The following UNG variants were observed in gnomAD, a reference collection of about 807,000 sequenced individuals.
The protein encoded by UNG is uracil-DNA glycosylase.
UNG carries 34 observed loss-of-function variants against 36.5 expected under a neutral mutation model. That is an observed-to-expected ratio of 0.93 (90% confidence interval 0.71 to 1.24). The LOEUF is 1.24. Ranked by LOEUF, UNG falls within the 50% of genes most tolerant of loss-of-function variation. UNG has a pLI of 0.00. For synonymous variants in UNG, 172 were observed against 157.8 expected, an observed-to-expected ratio of 1.09 and a Z score of -0.67; for missense variants, 391 against 397.6, an observed-to-expected ratio of 0.98 and a Z score of 0.14.
At chr12:109,103,274 G>A (rs1593322025) in intron 5 of UNG, among the ~76,000 whole-genome samples, 159 bp from the exon 6 acceptor site, 1 of 152,148 alleles carries the variant, frequency 6.6e-6, no homozygotes, top group African/African-American at 2.4e-5. Flanking sequence ...ATTGTTGATG[G>A]TAGTGGCTGC....
In UNG at chr12:109,110,580, C is replaced by T. The variant is rs886048911; in HGVS notation, c.*611C>T. On this transcript the variant is annotated 3_prime_UTR_variant, in exon 7 of 7. Coordinates refer to ENST00000242576, the MANE Select transcript of UNG (RefSeq NM_080911.3). ...CTGTGAGCTTTATCAGATAAGAGACCGAGAGAAGTAAGCTGGGTCTTGTTA... is the reference window on the plus strand; with the variant it reads ...CTGTGAGCTTTATCAGATAAGAGACTGAGAGAAGTAAGCTGGGTCTTGTTA... 5.2e-5 allele frequency: 8 copies of T among 153,930 alleles called. No homozygotes were observed. Among genetic ancestry groups the T allele is most frequent in the Admixed American group, 6.4e-5 (1 of 15,658 alleles). 9.5% of individuals were successfully genotyped at this position (153,930 alleles called of 1,614,324 possible). A position where few individuals can be genotyped will look rare whatever the true frequency, so the allele number is the denominator to read the frequency against.
At chr12:109,104,922 C>T (rs180819617) in intron 6 of UNG, among the ~76,000 whole-genome samples, 190 of 152,076 alleles carry the variant, frequency 1.2e-3, no homozygotes, top group Admixed American at 3.5e-3. Flanking sequence ...AGGTTGAGCA[C>T]TTTTGTTTTT....
intron 1 of UNG, chr12:109,098,161 G>T (rs1350152606): frequency 7.2e-7 from 1 of 1,393,618 alleles, no homozygotes. Flanking sequence ...TGGCGGGGGC[G>T]GGGCACCTCT....
chr12:109,103,504 G>T lies in UNG; in HGVS notation c.694G>T (p.Glu232Ter). The T allele has an allele frequency of 6.2e-7, 1 of 1,614,220 alleles. No homozygotes were observed. Among genetic ancestry groups the T allele is most frequent in the Non-Finnish European group, 8.5e-7 (1 of 1,180,044 alleles). The change falls in exon 6 of 7, where the codon GAG becomes TAG. Residue 232 changes from glutamate to a stop codon, truncating the protein, a stop_gained. Coordinates refer to ENST00000242576, the MANE Select transcript of UNG (RefSeq NM_080911.3). LOFTEE classifies it high-confidence loss of function. ...CAACTCTCATAAGGAGCGAGGCTGG[G>T]AGCAGTTCACTGATGCAGTTGTGTC... ...QANSHKERGW[E>*]QFTDAVVSWL...
At chr12:109,102,176 A>G (rs1566121373) in intron 4 of UNG, among the ~76,000 whole-genome samples, 177 bp downstream of exon 4, 1 of 152,192 alleles carries the variant, frequency 6.6e-6, no homozygotes, top group Non-Finnish European at 1.5e-5. Context: ...GGAGGAGAGG[A>G]GTCCTGTGCT....
At chr12:109,108,391 T>G (rs1386293910) in intron 6 of UNG, among the ~76,000 whole-genome samples, 1 of 152,142 alleles carries the variant, frequency 6.6e-6, no homozygotes, top group Non-Finnish European at 1.5e-5. Flanking sequence ...CCCAACACTT[T>G]GAGAGGCCAG....
intron 1 of UNG, 72 bp from the exon 2 acceptor site, chr12:109,098,360 G>A: frequency 6.2e-7 from 1 of 1,603,156 alleles, no homozygotes; most frequent in Middle Eastern, 1.7e-4. Context: ...GTGGGGGTTG[G>A]GCCGGAAGCT....
intron 6 of UNG, among the ~76,000 whole-genome samples, chr12:109,104,400 C>G (rs2042201876): frequency 6.6e-6 from 1 of 152,190 alleles, no homozygotes; most frequent in South Asian, 2.1e-4. Flanking sequence ...CCAACACGAC[C>G]AAACCAGTGG....
At chr12:109,100,134 C>T (rs906507538) in intron 3 of UNG, among the ~76,000 whole-genome samples, 2 of 152,128 alleles carry the variant, frequency 1.3e-5, no homozygotes, top group African/African-American at 2.4e-5. Flanking sequence ...AATAGGGCCA[C>T]GTCCTACCTC....
At chr12:109,107,066 A>G (rs1190641405) in intron 6 of UNG, among the ~76,000 whole-genome samples, 1 of 150,650 alleles carries the variant, frequency 6.6e-6, no homozygotes, top group African/African-American at 2.4e-5. Context: ...AAGCTACACT[A>G]TATAGCCTAG....
chr12:109,110,847 A>T lies in UNG; in HGVS notation c.*878A>T, dbSNP rs2042258423. On this transcript the variant is annotated 3_prime_UTR_variant, in exon 7 of 7. Coordinates refer to ENST00000242576, the MANE Select transcript of UNG (RefSeq NM_080911.3). Reference sequence around the variant, plus strand: ...AGTACTCATGCAGATATATATATATATATTTTTCCCAGTCCTTTTTTTAAG... The same window carrying T: ...AGTACTCATGCAGATATATATATATTTATTTTTCCCAGTCCTTTTTTTAAG... 1 of 151,998 alleles carries T rather than the reference A, an allele frequency of 6.6e-6. No individual in the cohort carries two copies. Among genetic ancestry groups the T allele is most frequent in the South Asian group, 2.1e-4 (1 of 4,824 alleles). 9.4% of individuals were successfully genotyped at this position (151,998 alleles called of 1,614,324 possible). A position where few individuals can be genotyped will look rare whatever the true frequency, so the allele number is the denominator to read the frequency against.
intron 6 of UNG, 102 bp from the exon 7 acceptor site, chr12:109,109,727 G>A: frequency 1.4e-6 from 2 of 1,447,998 alleles, no homozygotes; most frequent in South Asian, 2.4e-5. Flanking sequence ...AGGTTGCAGT[G>A]AGTCGAGATC....
chr12:109,102,045 CAGATGTGTACTTAGCTTATT>C (rs1234606073), intron 4 of UNG, 46 bp downstream of exon 4: 16 of 1,538,054 alleles, frequency 1.0e-5, no homozygotes, highest in Admixed American at 1.7e-5. Context: ...TGATTCCTTT[CAGATGTGTACTTAGCTTATT>C]ACAAGTGGGA....
intron 3 of UNG, among the ~76,000 whole-genome samples, chr12:109,099,730 A>C (rs1222263047): frequency 6.6e-6 from 1 of 152,072 alleles, no homozygotes; most frequent in Non-Finnish European, 1.5e-5. Context: ...CCTTTGCTTT[A>C]GTTTGTCTTA....
intron 6 of UNG, among the ~76,000 whole-genome samples, chr12:109,108,502 C>T (rs913859721): frequency 1.3e-5 from 2 of 152,078 alleles, no homozygotes; most frequent in African/African-American, 2.4e-5. Context: ...TGTAGTGGCA[C>T]GCACCTGTGG....
At chr12:109,105,324 T>G (rs978766882) in intron 6 of UNG, 1 of 152,236 alleles carries the variant, frequency 6.6e-6, no homozygotes, top group Non-Finnish European at 1.5e-5. Context: ...TGCTAAGATG[T>G]GATCATCTAG....
chr12:109,105,597 T>C (rs1210681430), intron 6 of UNG, among the ~76,000 whole-genome samples: 1 of 152,204 alleles, frequency 6.6e-6, no homozygotes, highest in Admixed American at 6.5e-5. Context: ...TCTCCTTTTC[T>C]CATCCATGCT....
chr12:109,102,121 C>T, intron 4 of UNG, 122 bp downstream of exon 4: 1 of 872,716 alleles, frequency 1.1e-6, no homozygotes, highest in African/African-American at 1.7e-5. Flanking sequence ...ATTTCTCGGC[C>T]TCAGCACCAT....
intron 6 of UNG, among the ~76,000 whole-genome samples, chr12:109,107,031 C>T (rs1190353138): frequency 1.3e-5 from 2 of 148,698 alleles, no homozygotes; most frequent in South Asian, 4.3e-4. Flanking sequence ...TAACATGCTA[C>T]ACAGGTTTGT....
Sources: gnomAD v4.1 joint callset for allele counts (sites outside exome capture counted in the v4.1 genomes callset) on GRCh38, gnomAD v4.1.1 for gene constraint, MANE v1.5 for transcripts, NCBI Gene and HGNC (gene_info 2026-07-23, HGNC 2026-07-21) for gene names.